Variants in ARHGAP26 observed in about 807,000 individuals in gnomAD.
ARHGAP26 encodes the protein Rho GTPase activating protein 26.
In ARHGAP26, 38 loss-of-function variants were observed where a neutral mutation model predicts 104.8. That is an observed-to-expected ratio of 0.36 (90% CI 0.28 to 0.48). The LOEUF (loss-of-function observed/expected upper bound fraction) is 0.48. Among genes scored for constraint, ARHGAP26 ranks in the 20% least tolerant of loss-of-function variants. The probability of loss-of-function intolerance (pLI) is 0.99; values close to 1 mark genes in which losing one functional copy is unlikely to be tolerated. For missense variants in ARHGAP26, 704 were observed against 947.9 expected (o/e 0.74, Z 3.38); for synonymous variants, 341 against 340.0 (o/e 1.00, Z -0.03).
At chr5:143,012,576 T>TACATATATATATATATATATATATACA (rs1554195628) in intron 11 of ARHGAP26, among the ~76,000 whole-genome samples, 3 of 57,028 alleles carry the variant, frequency 5.3e-5, no homozygotes, top group Non-Finnish European at 1.0e-4. Flanking sequence ...TATATATATA[T>TACATATATATATATATATATATATACA]TATGATCAGG....
chr5:143,211,129 A>G lies in ARHGAP26; in HGVS notation c.2100-2868A>G, dbSNP rs971169626. On this transcript the variant is annotated intron_variant, in intron 21 of 22. Coordinates refer to ENST00000645722, the MANE Select transcript of ARHGAP26 (RefSeq NM_001135608.3). ...GACCTTTCAGAAGGAGTTATGGGAC[A>G]CTTGACTTGTTGGGCTGACAAGCTT... 5.9e-5 allele frequency among the ~76,000 whole-genome samples: 9 copies of G among 152,222 alleles called. 1 individual carries two copies. Among genetic ancestry groups the G allele is most frequent in the African/African-American group, 2.2e-4 (9 of 41,446 alleles).
chr5:143,198,297 G>A (rs111530938), intron 20 of ARHGAP26, among the ~76,000 whole-genome samples: 28 of 152,272 alleles, frequency 1.8e-4, no homozygotes, highest in Non-Finnish European at 4.0e-4. Flanking sequence ...GTTACCATAT[G>A]AACACTTTAT....
chr5:143,217,048 A>AG (rs1203680276), intron 22 of ARHGAP26, among the ~76,000 whole-genome samples: 9 of 152,126 alleles, frequency 5.9e-5, no homozygotes, highest in Non-Finnish European at 1.3e-4. Context: ...TGGGGATATG[A>AG]GGTAAAGGCT....
chr5:143,020,831 A>G (rs7446668), intron 12 of ARHGAP26, among the ~76,000 whole-genome samples: 116,199 of 151,568 alleles, frequency 0.77, 45,477 homozygotes, highest in Middle Eastern at 0.84. Context: ...TAGTAGAGAC[A>G]GGGTTTCACC....
At chr5:142,998,400 C>T (rs78242151) in intron 11 of ARHGAP26, among the ~76,000 whole-genome samples, 2,155 of 152,218 alleles carry the variant, frequency 0.014, 55 homozygotes, top group African/African-American at 0.045. Flanking sequence ...GTTCATCTGT[C>T]ATGCTCTCAA....
chr5:143,068,379 A>G (rs1482667631), intron 17 of ARHGAP26, among the ~76,000 whole-genome samples: 1 of 152,118 alleles, frequency 6.6e-6, no homozygotes, highest in Non-Finnish European at 1.5e-5. Context: ...AAATAGATAC[A>G]ATCAGAAGAG....
At chr5:143,140,278 T>C (rs1259596120) in intron 19 of ARHGAP26, among the ~76,000 whole-genome samples, 5 of 152,194 alleles carry the variant, frequency 3.3e-5, no homozygotes, top group African/African-American at 4.8e-5. Flanking sequence ...GAATCACTGT[T>C]GGAGTTTGGA....
At chr5:142,788,287 C>A (rs1169784135) in intron 1 of ARHGAP26, among the ~76,000 whole-genome samples, 4 of 152,146 alleles carry the variant, frequency 2.6e-5, no homozygotes, top group Middle Eastern at 3.2e-3. Flanking sequence ...AGGCACGAGA[C>A]ACCGCGCCCG....
At chr5:142,795,907 G>T (rs1410385526) in intron 1 of ARHGAP26, among the ~76,000 whole-genome samples, 2 of 152,110 alleles carry the variant, frequency 1.3e-5, no homozygotes, top group Non-Finnish European at 2.9e-5. Flanking sequence ...GAAAGTATCT[G>T]CCCTCTTTAA....
intron 1 of ARHGAP26, among the ~76,000 whole-genome samples, chr5:142,800,766 G>A (rs933728550): frequency 3.9e-5 from 6 of 152,208 alleles, no homozygotes; most frequent in South Asian, 4.1e-4. Flanking sequence ...TCGTGAACCT[G>A]GCAGCACGTT....
intron 12 of ARHGAP26, among the ~76,000 whole-genome samples, chr5:143,035,124 C>T (rs1782422593): frequency 6.6e-6 from 1 of 152,114 alleles, no homozygotes; most frequent in South Asian, 2.1e-4. Flanking sequence ...CATCACTAAG[C>T]AATAAGTATG....
At chr5:142,839,872 T>C (rs1481599044) in intron 1 of ARHGAP26, among the ~76,000 whole-genome samples, 2 of 139,320 alleles carry the variant, frequency 1.4e-5, no homozygotes, top group East Asian at 2.1e-4. Flanking sequence ...TCCAGTTTTG[T>C]GTTGCGACAG....
At chr5:143,061,745 G>T (rs1786741592) in intron 17 of ARHGAP26, among the ~76,000 whole-genome samples, 1 of 152,188 alleles carries the variant, frequency 6.6e-6, no homozygotes, top group African/African-American at 2.4e-5. Flanking sequence ...AAGGACTCAG[G>T]TTATTTTCAT....
In ARHGAP26 at chr5:143,163,642, G is replaced by T. The variant is rs551202606; in HGVS notation, c.1988+16261G>T. On this transcript the variant is annotated intron_variant, in intron 20 of 22. Transcript: ENST00000645722. ...ATTTTTGTATTTTCAGTAGAGACGG[G>T]GTTTCACCATGTTGGCCAGGCTGGT... Among the ~76,000 whole-genome samples, 46 of 152,044 alleles carry T rather than the reference G, an allele frequency of 3.0e-4. No individual in the cohort carries two copies. The South Asian group carries it at 9.2e-3, about 30-fold the overall frequency.
At chr5:142,838,258 A>C (rs1770011892) in intron 1 of ARHGAP26, among the ~76,000 whole-genome samples, 1 of 152,034 alleles carries the variant, frequency 6.6e-6, no homozygotes, top group African/African-American at 2.4e-5. Flanking sequence ...ACTCCATCTA[A>C]AAGAAAAAAA....
chr5:142,945,181 T>TA (rs1766925334), intron 11 of ARHGAP26, among the ~76,000 whole-genome samples: 1 of 152,202 alleles, frequency 6.6e-6, no homozygotes, highest in African/African-American at 2.4e-5. Flanking sequence ...CCACAGGAGC[T>TA]ACCATGTCTA....
chr5:142,910,890 A>G lies in ARHGAP26; in HGVS notation c.934-2309A>G, dbSNP rs190124714. Among the ~76,000 whole-genome samples, 8 of 152,358 alleles carry G rather than the reference A, an allele frequency of 5.3e-5. No homozygotes were observed. The East Asian group carries it at 7.7e-4, about 15-fold the overall frequency. ...ATACATGTTTGAACAGAGCTCTCCT[A>G]GGAGCTAGAGGTAGATAGAACATAG... On this transcript the variant is annotated intron_variant, in intron 9 of 22. Transcript: ENST00000645722.
chr5:143,061,733 T>G (rs1214269753), intron 17 of ARHGAP26, among the ~76,000 whole-genome samples: 1 of 152,220 alleles, frequency 6.6e-6, no homozygotes, highest in Non-Finnish European at 1.5e-5. Context: ...TCTCAGCTCA[T>G]GAAGGACTCA....
chr5:143,024,320 C>T (rs764256103), intron 12 of ARHGAP26, among the ~76,000 whole-genome samples: 5 of 152,114 alleles, frequency 3.3e-5, no homozygotes, highest in Non-Finnish European at 1.5e-5. Flanking sequence ...AATCTACCCT[C>T]TCTCTCAGCT....
Sources: allele counts gnomAD v4.1 joint callset (sites outside exome capture counted in the v4.1 genomes callset), GRCh38; gene constraint gnomAD v4.1.1; transcripts MANE v1.5; gene names NCBI Gene and HGNC (gene_info 2026-07-23, HGNC 2026-07-21).